The following HOXA3 variants were observed in gnomAD, a reference collection of about 807,000 sequenced individuals.
HOXA3 encodes the protein homeobox A3.
Under a neutral mutation model 30.3 loss-of-function variants are expected in HOXA3, and 8 were observed. That is an observed-to-expected ratio of 0.26 (90% confidence interval 0.15 to 0.48). The LOEUF is 0.48. Among genes scored for constraint, HOXA3 ranks in the 20% least tolerant of loss-of-function variants. The pLI is 0.99. For synonymous variants in HOXA3, 323 were observed against 273.1 expected (o/e 1.18, Z -1.80); for missense variants, 653 against 614.4 (o/e 1.06, Z -0.66).
intron 1 of HOXA3, chr7:27,143,174 G>C: frequency 1.2e-6 from 2 of 1,610,918 alleles, no homozygotes; most frequent in Non-Finnish European, 1.7e-6. Context: ...TCCGGACGCC[G>C]TGCCAACCCC....
intron 1 of HOXA3, chr7:27,142,147 A>G: frequency 6.4e-7 from 1 of 1,567,466 alleles, no homozygotes; most frequent in South Asian, 1.2e-5. Flanking sequence ...CGCCAGGGGG[A>G]CAAGCTTGGG....
chr7:27,126,831 T>C (rs1301451940), intron 3 of HOXA3, 55 bp downstream of exon 3: 1 of 152,208 alleles, frequency 6.6e-6, no homozygotes, highest in African/African-American at 2.4e-5. Flanking sequence ...AGCATGAAGC[T>C]AATGAATATT....
At chr7:27,143,766 G>A (rs760206559) in intron 1 of HOXA3, 3 of 1,349,874 alleles carry the variant, frequency 2.2e-6, no homozygotes, top group Non-Finnish European at 2.9e-6. Context: ...CGAATCACGT[G>A]CTTTTGTTGT....
At position 27,122,572 on chromosome 7, in the gene HOXA3, T is replaced by A. The variant is rs1453706731; in HGVS notation, c.-134A>T. ...AGCAGCGCTTACCTAGAAAGATGTT[T>A]AAATTCTGAACCAGGAATTGTCTCC... is the stretch of plus-strand genomic sequence containing the variant. On this transcript the variant is annotated 5_prime_UTR_variant, in exon 4 of 6. An upstream open reading frame in the 5' UTR gains an earlier in-frame stop. Coordinates refer to ENST00000612286, the MANE Select transcript of HOXA3 (RefSeq NM_153631.3). 2.0e-5 allele frequency: 3 copies of A among 152,216 alleles called. No homozygotes were observed. The highest frequency in any genetic ancestry group is 4.4e-5 in the Non-Finnish European group (3 of 68,034). 9.4% of individuals were successfully genotyped at this position (152,216 alleles called of 1,614,324 possible).
At chr7:27,150,912 A>G (rs1321543216) in intron 1 of HOXA3, 1 of 152,506 alleles carries the variant, frequency 6.6e-6, no homozygotes, top group Admixed American at 6.5e-5. Context: ...AGGGGCCAGT[A>G]CAGCAGTCGC....
In HOXA3 at chr7:27,108,961, C is replaced by T. The variant is rs954821341; in HGVS notation, c.527-241G>A. ...GGAAAGGACAGAGAAGTAGAACCCC[C>T]GGTTTGCCTTCCTGGTCTGGATTTT... On this transcript the variant is annotated intron_variant, in intron 5 of 5. Coordinates refer to ENST00000612286, the MANE Select transcript of HOXA3 (RefSeq NM_153631.3). The surrounding 1 kb of genome is among the most constrained non-coding windows in gnomAD (Gnocchi z 5.0). Among the ~76,000 whole-genome samples the T allele has an allele frequency of 6.6e-6, 1 of 152,156 alleles. No homozygotes were observed. The highest frequency in any genetic ancestry group is 1.5e-5 in the Non-Finnish European group (1 of 68,022).
Position 27,130,360 on chromosome 7 carries a change from C to T in HOXA3, c.-389-3290G>A, listed in dbSNP as rs1439072605. On this transcript the variant is annotated intron_variant, in intron 2 of 5. Transcript: ENST00000612286. The stretch of plus-strand genomic sequence containing the variant: ...GCTCGCATGCAGGCCGTGCGCTGGG[C>T]CCTTGGCTTGCGCCGGGGGCTGCTC... 1 of 1,135,912 alleles carries T rather than the reference C, an allele frequency of 8.8e-7. No individual in the cohort carries two copies. 70.4% of individuals were successfully genotyped at this position (1,135,912 alleles called of 1,614,324 possible). A position where few individuals can be genotyped will look rare whatever the true frequency, so the allele number is the denominator to read the frequency against.
At chr7:27,120,447 G>A (rs1005672261) in intron 4 of HOXA3, among the ~76,000 whole-genome samples, 13 of 150,672 alleles carry the variant, frequency 8.6e-5, no homozygotes, top group African/African-American at 3.2e-4. Flanking sequence ...AGGCTGAGGT[G>A]GGAAAATCAC....
intron 1 of HOXA3, among the ~76,000 whole-genome samples, chr7:27,146,504 A>AT (rs370658712): frequency 2.9e-4 from 44 of 152,206 alleles, no homozygotes; most frequent in African/African-American, 9.7e-4. Context: ...AAACATTATA[A>AT]TTTTAACAAT....
At chr7:27,143,281 C>G in intron 1 of HOXA3, 1 of 1,604,680 alleles carries the variant, frequency 6.2e-7, no homozygotes, top group South Asian at 1.1e-5. Context: ...CGCTGCCGGG[C>G]GAGGGGGCCA....
At chr7:27,129,017 G>A (rs760296487) in intron 2 of HOXA3, 16 of 615,460 alleles carry the variant, frequency 2.6e-5, no homozygotes, top group Non-Finnish European at 4.3e-5. Flanking sequence ...CCACCAGCCA[G>A]CATCCTGGAC....
In HOXA3 at chr7:27,107,832, TA is replaced by T. The variant is rs59078276; in HGVS notation, c.*82del. The T allele has an allele frequency of 0.46, 252,446 of 544,194 alleles. 28,280 individuals are homozygous for T. Among genetic ancestry groups the T allele is most frequent in the African/African-American group, 0.51 (19,558 of 38,220 alleles). The allele number at this position is 544,194 out of a possible 1,614,324, so 33.7% of individuals were successfully genotyped here. A position where few individuals can be genotyped will look rare whatever the true frequency, so the allele number is the denominator to read the frequency against. ...AAGGAAGGAAAGGGCAGGAAGAACC[TA>T]AAAAAAAAAAAAAAAAAAAGCAACC... On this transcript the variant is annotated 3_prime_UTR_variant, in exon 6 of 6. Transcript: ENST00000612286.
rs770679132 is a variant in HOXA3, at chr7:27,143,348, C to T, written c.-493-3162G>A. On this transcript the variant is annotated intron_variant, in intron 1 of 5. Transcript: ENST00000612286. Reference sequence around the variant, plus strand: ...AGAGTGCGTGGACGTGGCCGGCTGGCTGTACCTGGGCTCGGCGGGCGCCGC... The same window carrying T: ...AGAGTGCGTGGACGTGGCCGGCTGGTTGTACCTGGGCTCGGCGGGCGCCGC... 5.0e-6 allele frequency: 8 copies of T among 1,594,746 alleles called. No individual in the cohort carries two copies. The South Asian group carries it at 8.9e-5, about 18-fold the overall frequency.
chr7:27,136,979 A>C (rs1785734822), intron 2 of HOXA3, among the ~76,000 whole-genome samples: 1 of 152,120 alleles, frequency 6.6e-6, no homozygotes, highest in Non-Finnish European at 1.5e-5. Context: ...TCAGAAACCA[A>C]AGGGAGGGAG....
intron 1 of HOXA3, chr7:27,141,113 C>CAAAAAAAAAAAAAAAAAAAA (rs147485948): frequency 1.2e-5 from 1 of 82,916 alleles, no homozygotes; most frequent in African/African-American, 4.9e-5. Flanking sequence ...AAAACAAATA[C>CAAAAAAAAAAAAAAAAAAAA]AAAAAAAAAA....
At chr7:27,148,280 G>C (rs1424622940) in intron 1 of HOXA3, among the ~76,000 whole-genome samples, 2 of 152,272 alleles carry the variant, frequency 1.3e-5, no homozygotes, top group Admixed American at 6.5e-5. Flanking sequence ...CTCCAGGCAC[G>C]GCCCAGAGTT....
At chr7:27,150,137 A>ATCATGTTGGCAGCTGACCAACAAT (rs55672610) in intron 1 of HOXA3, 5 of 152,016 alleles carry the variant, frequency 3.3e-5, no homozygotes, top group African/African-American at 1.2e-4. Context: ...GCTAGTGCAT[A>ATCATGTTGGCAGCTGACCAACAAT]TCATTTCTCC....
chr7:27,146,251 TTGTGTG>T (rs10685970), intron 1 of HOXA3, among the ~76,000 whole-genome samples: 10 of 149,012 alleles, frequency 6.7e-5, no homozygotes, highest in African/African-American at 9.9e-5. Context: ...GTGTGTGTGT[TTGTGTG>T]TGTGTGTGTG....
intron 1 of HOXA3, chr7:27,145,624 G>A (rs770267325): frequency 6.3e-7 from 1 of 1,596,344 alleles, no homozygotes; most frequent in African/African-American, 1.3e-5. Context: ...AGCCGAAGGA[G>A]GTTGCAGCGC....
Sources: allele counts gnomAD v4.1 joint callset (sites outside exome capture counted in the v4.1 genomes callset), GRCh38; gene constraint gnomAD v4.1.1; non-coding constraint Gnocchi (gnomAD v3.1); transcripts MANE v1.5; gene names NCBI Gene and HGNC (gene_info 2026-07-23, HGNC 2026-07-21).